ATF7: variants seen among roughly 807,000 people sequenced by gnomAD.
ATF7 encodes cyclic AMP-dependent transcription factor ATF-7.
A neutral mutation model predicts 50.4 loss-of-function variants in ATF7; 10 were observed. That is an observed-to-expected ratio of 0.20 (90% CI 0.12 to 0.34). The LOEUF (loss-of-function observed/expected upper bound fraction) is 0.34. Among genes scored for constraint, ATF7 ranks in the 10% least tolerant of loss-of-function variants. ATF7 has a pLI of 1.00. For synonymous variants in ATF7, 201 were observed against 226.4 expected (o/e 0.89, Z 1.01); for missense variants, 465 against 613.9 (o/e 0.76, Z 2.56).
rs1381214741 is a variant in ATF7, at chr12:53,529,664, C to CAT, written c.927+2078_927+2079dup. 1.3e-3 allele frequency among the ~76,000 whole-genome samples: 191 copies of CAT among 146,484 alleles called. 1 individual carries two copies. Among genetic ancestry groups the CAT allele is most frequent in the African/African-American group, 4.1e-3 (162 of 39,794 alleles). On this transcript the variant is annotated intron_variant, in intron 9 of 11. Coordinates refer to ENST00000420353, the MANE Select transcript of ATF7 (RefSeq NM_006856.3). ...TAATATATATATATATACACACACA[C>CAT]ATATATATATACACACATATATATA...
At chr12:53,526,822 G>A (rs1331597460) in intron 9 of ATF7, among the ~76,000 whole-genome samples, 1 of 152,106 alleles carries the variant, frequency 6.6e-6, no homozygotes, top group Non-Finnish European at 1.5e-5. Flanking sequence ...CTCTACTCCA[G>A]CCTGGGCGAC....
At chr12:53,573,084 C>CA (rs75993824) in intron 2 of ATF7, among the ~76,000 whole-genome samples, 6,617 of 67,966 alleles carry the variant, frequency 0.097, 397 homozygotes, top group African/African-American at 0.24. Context: ...TGTACCCGGC[C>CA]AAAAAAAAAA....
At chr12:53,567,909 C>G (rs1941532233) in intron 2 of ATF7, among the ~76,000 whole-genome samples, 1 of 152,324 alleles carries the variant, frequency 6.6e-6, no homozygotes, top group East Asian at 1.9e-4. Context: ...TCTCATCTCT[C>G]TCCCCAAATT....
chr12:53,578,719 G>A (rs992696100), intron 2 of ATF7, among the ~76,000 whole-genome samples: 5 of 151,188 alleles, frequency 3.3e-5, no homozygotes, highest in Admixed American at 6.6e-5. Context: ...GGGATGTTGA[G>A]GCTGTAGTGA....
intron 2 of ATF7, among the ~76,000 whole-genome samples, chr12:53,592,881 AC>A (rs1943004898): frequency 6.6e-6 from 1 of 152,236 alleles, no homozygotes; most frequent in African/African-American, 2.4e-5. Context: ...TGGAAAGAGG[AC>A]AAAAATAAAG....
chr12:53,587,121 C>T (rs528313223), intron 2 of ATF7, among the ~76,000 whole-genome samples: 11 of 152,288 alleles, frequency 7.2e-5, no homozygotes, highest in African/African-American at 2.6e-4. Context: ...AATCCCAACA[C>T]TTTGGGAGGC....
chr12:53,542,062 T>C (rs1939585553), intron 4 of ATF7, among the ~76,000 whole-genome samples: 1 of 149,432 alleles, frequency 6.7e-6, no homozygotes, highest in South Asian at 2.1e-4. Flanking sequence ...TGCCTTGGCC[T>C]CCCAAAGTGC....
At chr12:53,570,523 C>T (rs779108837) in intron 2 of ATF7, among the ~76,000 whole-genome samples, 4 of 152,114 alleles carry the variant, frequency 2.6e-5, no homozygotes, top group South Asian at 2.1e-4. Context: ...ATAGACCTGT[C>T]CTGCCAAAAT....
intron 3 of ATF7, among the ~76,000 whole-genome samples, chr12:53,546,196 A>AAACAAAC (rs1939893900): frequency 2.6e-5 from 4 of 151,478 alleles, no homozygotes; most frequent in African/African-American, 9.8e-5. Flanking sequence ...CCATCTCAAA[A>AAACAAAC]AAACAAACAA....
At chr12:53,549,102 C>T (rs1164711915) in intron 3 of ATF7, among the ~76,000 whole-genome samples, 2 of 151,770 alleles carry the variant, frequency 1.3e-5, no homozygotes, top group African/African-American at 2.4e-5. Context: ...CTGGCTAACG[C>T]GGTGAAACCC....
chr12:53,541,188 A>G (rs1013195572), intron 4 of ATF7, among the ~76,000 whole-genome samples: 5 of 152,180 alleles, frequency 3.3e-5, no homozygotes, highest in African/African-American at 1.2e-4. Context: ...TTTACCTGCT[A>G]TGTATGCCCT....
At position 53,550,339 on chromosome 12, in the gene ATF7, T is replaced by TAA. The variant is rs1290152303; in HGVS notation, c.145+2200_145+2201dup. ...ACCCTGTCTCAAAAAAAAAAATAAA[T>TAA]AAATAAATAAATAAATAAATAAATA... On this transcript the variant is annotated intron_variant, in intron 3 of 11. Coordinates refer to ENST00000420353, the MANE Select transcript of ATF7 (RefSeq NM_006856.3). Among the ~76,000 whole-genome samples the TAA allele has an allele frequency of 5.5e-5, 7 of 128,314 alleles. 2 individuals carry two copies. In the East Asian group the frequency reaches 1.6e-3, roughly 29 times the overall value. 84.2% of individuals were successfully genotyped at this position (128,314 alleles called of 152,430 possible).
chr12:53,556,501 G>C (rs1329476269), intron 2 of ATF7, among the ~76,000 whole-genome samples: 2 of 152,184 alleles, frequency 1.3e-5, no homozygotes, highest in East Asian at 1.9e-4. Flanking sequence ...CGCCAGGCCA[G>C]GTGCAGAATG....
chr12:53,557,597 A>T (rs1043144019), intron 2 of ATF7, among the ~76,000 whole-genome samples: 7 of 152,186 alleles, frequency 4.6e-5, no homozygotes, highest in African/African-American at 1.7e-4. Flanking sequence ...CAGGGAACAC[A>T]CTTGCCCTCA....
intron 2 of ATF7, among the ~76,000 whole-genome samples, chr12:53,569,002 T>G (rs1941606767): frequency 6.6e-6 from 1 of 151,656 alleles, no homozygotes; most frequent in Non-Finnish European, 1.5e-5. Context: ...CTTAAAAAAT[T>G]TAAAGAGTAG....
chr12:53,555,797 A>G (rs1287940515), intron 2 of ATF7, among the ~76,000 whole-genome samples: 1 of 151,624 alleles, frequency 6.6e-6, no homozygotes. Flanking sequence ...GGTGTGAGCC[A>G]TCATGCCCCG....
At chr12:53,573,887 C>A (rs1941911429) in intron 2 of ATF7, among the ~76,000 whole-genome samples, 1 of 152,224 alleles carries the variant, frequency 6.6e-6, no homozygotes, top group Admixed American at 6.5e-5. Context: ...CTGAGAAGCA[C>A]TGGTGAAGTT....
At position 53,548,500 on chromosome 12, in the gene ATF7, T is replaced by C. The variant is rs1368961700; in HGVS notation, c.145+4041A>G. ...GCATGCGCCACCACACCTGGCTAAT[T>C]TTAAAATTTTTTTGTAGAGATGGGG... On this transcript the variant is annotated intron_variant, in intron 3 of 11. Transcript: ENST00000420353. 2.6e-5 allele frequency among the ~76,000 whole-genome samples: 4 copies of C among 151,706 alleles called. No homozygotes were observed. In the East Asian group the frequency reaches 7.8e-4, roughly 30 times the overall value.
Position 53,586,002 on chromosome 12 carries a change from C to G in ATF7, c.48+14951G>C, listed in dbSNP as rs151146015. On this transcript the variant is annotated intron_variant, in intron 2 of 11. Coordinates refer to ENST00000420353, the MANE Select transcript of ATF7 (RefSeq NM_006856.3). The stretch of plus-strand genomic sequence containing the variant: ...GAGCAGCTATGTATGTGAATACAAT[C>G]TCCTCATCTGGGCAGTCAAATATGC... 2.8e-3 allele frequency among the ~76,000 whole-genome samples: 419 copies of G among 152,332 alleles called. 1 individual carries two copies. The highest frequency in any genetic ancestry group is 0.01 in the Middle Eastern group (3 of 294).
Sources: gnomAD v4.1 joint callset for allele counts (sites outside exome capture counted in the v4.1 genomes callset) on GRCh38, gnomAD v4.1.1 for gene constraint, MANE v1.5 for transcripts, NCBI Gene and HGNC (gene_info 2026-07-23, HGNC 2026-07-21) for gene names.